The following LGSN variants were observed in gnomAD, a reference collection of about 807,000 sequenced individuals.
LGSN encodes lengsin.
Under a neutral mutation model 19.5 loss-of-function variants are expected in LGSN, and 21 were observed. The observed-to-expected ratio is 1.07, with a 90% CI of 0.76 to 1.55. LGSN has a LOEUF of 1.55. LGSN is among the 40% of genes most tolerant of loss of function. The pLI, the probability that LGSN is intolerant of heterozygous loss-of-function variation, is 0.00. For synonymous variants in LGSN, 257 were observed against 215.6 expected, an observed-to-expected ratio of 1.19 and a Z score of -1.68; for missense variants, 673 against 608.5, an observed-to-expected ratio of 1.11 and a Z score of -1.12.
At chr6:63,335,261 C>A in the LGSN span, among the ~76,000 whole-genome samples, 1 of 151,650 alleles carries the variant, frequency 6.6e-6, no homozygotes, top group Non-Finnish European at 1.5e-5. Flanking sequence ...TCACCACACA[C>A]AAAAATAAAT....
At chr6:63,356,373 C>G in the LGSN span, among the ~76,000 whole-genome samples, 19,794 of 151,886 alleles carry the variant, frequency 0.13, 2,853 homozygotes, top group African/African-American at 0.36. Flanking sequence ...AACCCCATCT[C>G]TACTAAAAAA....
chr6:63,534,091 C>A, the LGSN span, among the ~76,000 whole-genome samples: 1 of 152,042 alleles, frequency 6.6e-6, no homozygotes, highest in Non-Finnish European at 1.5e-5. Context: ...GATCTGCCCA[C>A]CTTGACCTAT....
chr6:63,426,545 C>T, the LGSN span, among the ~76,000 whole-genome samples: 1 of 149,296 alleles, frequency 6.7e-6, no homozygotes, highest in Admixed American at 6.6e-5. Flanking sequence ...GACAGAGTCT[C>T]GCTCTGTTGC....
chr6:63,300,939 G>C (rs1768155159), intron 1 of LGSN, among the ~76,000 whole-genome samples: 1 of 152,074 alleles, frequency 6.6e-6, no homozygotes, highest in Non-Finnish European at 1.5e-5. Context: ...TTTTACACTG[G>C]AAGTTAGAAT....
At chr6:63,459,703 C>T in the LGSN span, among the ~76,000 whole-genome samples, 1 of 152,048 alleles carries the variant, frequency 6.6e-6, no homozygotes, top group African/African-American at 2.4e-5. Context: ...CACTGGAGGT[C>T]AGGAGTTCGA....
upstream of LGSN, among the ~76,000 whole-genome samples, chr6:63,323,932 T>C (rs141281634): frequency 2.9e-3 from 443 of 151,904 alleles, 2 homozygotes; most frequent in African/African-American, 0.01. Context: ...CCACCACACC[T>C]GGATAACTTT....
the LGSN span, among the ~76,000 whole-genome samples, chr6:63,485,056 A>T: frequency 1.5e-4 from 23 of 151,006 alleles, no homozygotes; most frequent in African/African-American, 5.6e-4. Context: ...TTTACCTTTT[A>T]AGTTCAGGGT....
chr6:63,438,273 C>T, the LGSN span, among the ~76,000 whole-genome samples: 1 of 152,092 alleles, frequency 6.6e-6, no homozygotes, highest in Admixed American at 6.6e-5. Flanking sequence ...CTAGGCATTA[C>T]CATTCAGGAC....
chr6:63,412,760 AAAGAAAGAAAGG>A, the LGSN span, among the ~76,000 whole-genome samples: 17,603 of 49,952 alleles, frequency 0.35, 2,423 homozygotes, highest in African/African-American at 0.42. Context: ...AGAAAGAAAG[AAAGAAAGAAAGG>A]AAGGAAGGGA....
chr6:63,297,435 A>T (rs1185088433), intron 1 of LGSN, among the ~76,000 whole-genome samples: 2 of 151,862 alleles, frequency 1.3e-5, no homozygotes, highest in Non-Finnish European at 2.9e-5. Context: ...AAAAGGGAGT[A>T]GGGGTTTCAA....
chr6:63,496,275 T>A, the LGSN span, among the ~76,000 whole-genome samples: 2 of 152,230 alleles, frequency 1.3e-5, no homozygotes, highest in East Asian at 3.8e-4. Flanking sequence ...CTGTAGCATT[T>A]TCCATGTATA....
chr6:63,343,970 C>A, the LGSN span, among the ~76,000 whole-genome samples: 1 of 152,084 alleles, frequency 6.6e-6, no homozygotes, highest in Admixed American at 6.5e-5. Context: ...CAGAGAACCA[C>A]CAGCAAGGAA....
the LGSN span, among the ~76,000 whole-genome samples, chr6:63,474,334 C>T: frequency 1.3e-5 from 2 of 152,252 alleles, no homozygotes; most frequent in Non-Finnish European, 2.9e-5. Flanking sequence ...ACGGGACGGG[C>T]GCAGTGGTTC....
intron 1 of LGSN, among the ~76,000 whole-genome samples, chr6:63,314,716 G>A (rs1217223704): frequency 1.3e-5 from 2 of 152,148 alleles, no homozygotes; most frequent in African/African-American, 4.8e-5. Context: ...GGTAAGAAGT[G>A]TTCAGATAGA....
the LGSN span, among the ~76,000 whole-genome samples, chr6:63,451,161 T>C: frequency 9.9e-5 from 15 of 152,272 alleles, no homozygotes; most frequent in African/African-American, 3.6e-4. Context: ...AGTTCAACCA[T>C]TGTGGAAGAC....
the LGSN span, among the ~76,000 whole-genome samples, chr6:63,327,713 G>A: frequency 1.3e-5 from 2 of 152,116 alleles, no homozygotes; most frequent in East Asian, 3.8e-4. Flanking sequence ...AAAGGAATAG[G>A]GTACACTGTT....
chr6:63,282,500 T>G lies in LGSN; in HGVS notation c.331-1280A>C, dbSNP rs1767359956. Among the ~76,000 whole-genome samples, 17 of 152,282 alleles carry G rather than the reference T, an allele frequency of 1.1e-4. No homozygotes were observed. In the South Asian group the frequency reaches 3.5e-3, roughly 32 times the overall value. ...TTCGTATATGGCTTCTTCTTGTGTA[T>G]CCTTACATGGTGGAAGGAAGCCAGA... On this transcript the variant is annotated intron_variant, in intron 3 of 3. Coordinates refer to ENST00000370657, the MANE Select transcript of LGSN (RefSeq NM_016571.3).
the LGSN span, among the ~76,000 whole-genome samples, chr6:63,468,284 C>T: frequency 6.6e-6 from 1 of 151,776 alleles, no homozygotes; most frequent in African/African-American, 2.4e-5. Context: ...CCCACCACCA[C>T]ACCCAGCTAA....
the LGSN span, among the ~76,000 whole-genome samples, chr6:63,365,696 C>A: frequency 6.6e-6 from 1 of 152,182 alleles, no homozygotes; most frequent in Non-Finnish European, 1.5e-5. Context: ...CAATAAAATA[C>A]TAGCAAACTG....
Sources: gnomAD v4.1 joint callset for allele counts (sites outside exome capture counted in the v4.1 genomes callset) on GRCh38, gnomAD v4.1.1 for gene constraint, MANE v1.5 for transcripts, NCBI Gene and HGNC (gene_info 2026-07-23, HGNC 2026-07-21) for gene names.